The following SAMD4A variants were observed in gnomAD, a reference collection of about 807,000 sequenced individuals.
SAMD4A encodes the protein sterile alpha motif domain containing 4A.
SAMD4A carries 33 observed loss-of-function variants against 81.3 expected under a neutral mutation model. The observed-to-expected ratio is 0.41, with a 90% CI of 0.31 to 0.54. The LOEUF is 0.54. Among genes scored for constraint, SAMD4A ranks in the 20% least tolerant of loss-of-function variants. The pLI is 0.37. For synonymous variants in SAMD4A, 389 were observed against 382.1 expected, an observed-to-expected ratio of 1.02 and a Z score of -0.21; for missense variants, 854 against 951.1, an observed-to-expected ratio of 0.90 and a Z score of 1.34.
intron 2 of SAMD4A, among the ~76,000 whole-genome samples, chr14:54,629,213 A>T (rs1378820073): frequency 6.6e-6 from 1 of 152,204 alleles, no homozygotes; most frequent in African/African-American, 2.4e-5. Flanking sequence ...AGCAATGCCC[A>T]GGATTGACGG....
In SAMD4A at chr14:54,770,285, C is replaced by T. The variant is rs192880960; in HGVS notation, c.1715+63C>T. The T allele has an allele frequency of 1.4e-4, 159 of 1,135,254 alleles. 1 individual carries two copies. The highest frequency in any genetic ancestry group is 4.5e-4 in the East Asian group (19 of 42,090). 70.3% of individuals were successfully genotyped at this position (1,135,254 alleles called of 1,614,324 possible). A position where few individuals can be genotyped will look rare whatever the true frequency, so the allele number is the denominator to read the frequency against. On this transcript the variant is annotated intron_variant, in intron 9 of 12. Transcript: ENST00000554335. ...TCCCCTGGCGCCTTGTTGCCTACCT[C>T]GGTTCCTGGGGCAGGAATATGGCAG...
chr14:54,611,834 G>A (rs192440278), intron 2 of SAMD4A, among the ~76,000 whole-genome samples: 12 of 150,726 alleles, frequency 8.0e-5, no homozygotes, highest in South Asian at 2.1e-4. Context: ...ATGAGATTGC[G>A]CCACTGCATT....
intron 2 of SAMD4A, among the ~76,000 whole-genome samples, chr14:54,660,455 TC>T (rs1232447060): frequency 6.6e-6 from 1 of 152,196 alleles, no homozygotes; most frequent in Non-Finnish European, 1.5e-5. Flanking sequence ...AGAGAAAGTT[TC>T]CCCTAATACT....
intron 11 of SAMD4A, among the ~76,000 whole-genome samples, chr14:54,783,431 G>T (rs934843051): frequency 2.6e-5 from 4 of 152,234 alleles, no homozygotes; most frequent in Non-Finnish European, 2.9e-5. Flanking sequence ...GTGGCTCCCA[G>T]ACACTGCCTC....
chr14:54,606,889 C>T (rs893977961), intron 2 of SAMD4A, among the ~76,000 whole-genome samples: 2 of 152,160 alleles, frequency 1.3e-5, no homozygotes, highest in Non-Finnish European at 2.9e-5. Flanking sequence ...TCAGTGCTCC[C>T]TTTGGAGGGA....
At chr14:54,622,408 G>A (rs1207194159) in intron 2 of SAMD4A, among the ~76,000 whole-genome samples, 1 of 152,188 alleles carries the variant, frequency 6.6e-6, no homozygotes, top group African/African-American at 2.4e-5. Context: ...GCAGGCGTGT[G>A]ATGTTATCTT....
chr14:54,620,526 A>G (rs1274571895), intron 2 of SAMD4A, among the ~76,000 whole-genome samples: 2 of 152,192 alleles, frequency 1.3e-5, no homozygotes, highest in African/African-American at 4.8e-5. Context: ...AATGATAATA[A>G]ATGCCACAGA....
chr14:54,771,775 G>A (rs889867966), intron 9 of SAMD4A, among the ~76,000 whole-genome samples: 3 of 152,312 alleles, frequency 2.0e-5, no homozygotes, highest in Non-Finnish European at 4.4e-5. Flanking sequence ...GCATTCGGAG[G>A]TTGGAGATGA....
chr14:54,584,027 A>C (rs2033548045), intron 2 of SAMD4A, among the ~76,000 whole-genome samples: 1 of 152,202 alleles, frequency 6.6e-6, no homozygotes, highest in African/African-American at 2.4e-5. Context: ...GTCTTTAAAT[A>C]CAGCTAGTCT....
chr14:54,776,030 A>AG (rs1393224446), intron 10 of SAMD4A, among the ~76,000 whole-genome samples: 3 of 151,248 alleles, frequency 2.0e-5, no homozygotes, highest in Admixed American at 2.0e-4. Flanking sequence ...AAAAAAAAAA[A>AG]AAAAAAAAAA....
intron 2 of SAMD4A, among the ~76,000 whole-genome samples, chr14:54,642,701 G>C (rs1032534014): frequency 2.6e-5 from 4 of 152,192 alleles, no homozygotes; most frequent in African/African-American, 9.6e-5. Context: ...CCAGCTTCCT[G>C]GTATCAGGTT....
At chr14:54,770,717 A>G (rs546285135) in intron 9 of SAMD4A, among the ~76,000 whole-genome samples, 2 of 152,332 alleles carry the variant, frequency 1.3e-5, no homozygotes, top group East Asian at 1.9e-4. Flanking sequence ...GAGCAGTACA[A>G]TTCTTGATTT....
At chr14:54,573,195 GTCACATATATTT>G (rs1463020638) in intron 2 of SAMD4A, among the ~76,000 whole-genome samples, 3 of 152,202 alleles carry the variant, frequency 2.0e-5, no homozygotes, top group Admixed American at 6.5e-5. Context: ...GTTGTAGCAG[GTCACATATATTT>G]GTACTCTTTG....
Position 54,568,004 on chromosome 14 carries a change from C to T in SAMD4A, c.88C>T (p.Leu30Phe), listed in dbSNP as rs759711465. ...GCAGACTGTTGCGCTGCTGTCGCTG[C>T]TCAAGCGCGTGAGCCAGACCCAGGC... The part of the protein sequence containing the change: ...CEQTVALLSL[L>F]KRVSQTQARF... Residue 30 changes from leucine to phenylalanine, a missense_variant, in exon 2 of 13, where the codon CTC (leucine) becomes TTC (phenylalanine). Transcript: ENST00000554335. The T allele has an allele frequency of 6.2e-7, 1 of 1,608,774 alleles. No homozygotes were observed. Among genetic ancestry groups the T allele is most frequent in the Non-Finnish European group, 8.5e-7 (1 of 1,179,568 alleles).
chr14:54,723,835 G>T (rs2037325483), intron 3 of SAMD4A, among the ~76,000 whole-genome samples: 1 of 152,192 alleles, frequency 6.6e-6, no homozygotes, highest in Non-Finnish European at 1.5e-5. Flanking sequence ...TTACATGAGT[G>T]AATAAATGAG....
intron 2 of SAMD4A, among the ~76,000 whole-genome samples, chr14:54,620,448 A>G (rs2034589164): frequency 6.6e-6 from 1 of 152,200 alleles, no homozygotes; most frequent in African/African-American, 2.4e-5. Flanking sequence ...ATGCCAAGTG[A>G]ACAGAATAGT....
intron 3 of SAMD4A, among the ~76,000 whole-genome samples, chr14:54,709,680 T>C (rs2140795883): frequency 6.6e-6 from 1 of 152,314 alleles, no homozygotes; most frequent in Non-Finnish European, 1.5e-5. Context: ...ACCACGAGCC[T>C]GTAGGACCAG....
At chr14:54,727,576 T>G (rs1262622862) in intron 3 of SAMD4A, among the ~76,000 whole-genome samples, 6 of 152,148 alleles carry the variant, frequency 3.9e-5, no homozygotes, top group Non-Finnish European at 5.9e-5. Flanking sequence ...AAAAGGACAC[T>G]TGTTTATAGT....
intron 2 of SAMD4A, among the ~76,000 whole-genome samples, chr14:54,607,656 G>T (rs1297864600): frequency 2.6e-5 from 4 of 151,532 alleles, no homozygotes; most frequent in African/African-American, 9.7e-5. Flanking sequence ...GGGTTTCACC[G>T]TGTTAGCCAG....
Sources: allele counts gnomAD v4.1 joint callset (sites outside exome capture counted in the v4.1 genomes callset), GRCh38; gene constraint gnomAD v4.1.1; transcripts MANE v1.5; gene names NCBI Gene and HGNC (gene_info 2026-07-23, HGNC 2026-07-21).